Variants in RDH13 observed in about 807,000 individuals in gnomAD.
RDH13 encodes the protein retinol dehydrogenase 13 (all-trans and 9-cis).
In RDH13, 35 loss-of-function variants were observed where a neutral mutation model predicts 28.3. The ratio of observed to expected loss-of-function variants is 1.24; its 90% confidence interval spans 0.95 to 1.64. RDH13 has a LOEUF of 1.64. Among genes scored for constraint, RDH13 ranks in the 40% most tolerant of loss-of-function variants. The pLI is 0.00. For synonymous variants in RDH13, 229 were observed against 198.5 expected (o/e 1.15, Z -1.29); for missense variants, 514 against 446.3 (o/e 1.15, Z -1.37).
Position 55,063,142 on chromosome 19 carries a change from G to C in RDH13, c.-110C>G, listed in dbSNP as rs887723699. ...CGCGCGACGCAGCCACAGGCGAGCG[G>C]AGGCGCAGGCGCGGCTGGGCCCGCG... is the stretch of plus-strand genomic sequence containing the variant. On this transcript the variant is annotated 5_prime_UTR_variant, in exon 1 of 7. Transcript: ENST00000415061. The C allele has an allele frequency of 5.5e-6, 6 of 1,081,912 alleles. No individual in the cohort carries two copies. Among genetic ancestry groups the C allele is most frequent in the Non-Finnish European group, 7.2e-6 (6 of 832,426 alleles). 67.0% of individuals were successfully genotyped at this position (1,081,912 alleles called of 1,614,324 possible).
intron 5 of RDH13, chr19:55,048,022 A>C: frequency 7.0e-7 from 1 of 1,425,080 alleles, no homozygotes; most frequent in East Asian, 2.7e-5. Flanking sequence ...CTGCGGGTCA[A>C]AACTGCCCCT....
chr19:55,050,406 C>T (rs138528712), intron 3 of RDH13, among the ~76,000 whole-genome samples: 12 of 152,210 alleles, frequency 7.9e-5, no homozygotes, highest in Admixed American at 2.6e-4. Context: ...TGAGCCACCA[C>T]ACTCAGTCTA....
Position 55,048,383 on chromosome 19 carries a change from G to C in RDH13, c.604C>G (p.Gln202Glu), listed in dbSNP as rs757617386. 3 of 1,614,042 alleles carry C rather than the reference G, an allele frequency of 1.9e-6. No homozygotes were observed. The African/African-American group carries it at 4.0e-5, about 22-fold the overall frequency. Residue 202 changes from glutamine (Q) to glutamate (E), a missense_variant, in exon 5 of 7, where the codon CAG (glutamine) becomes GAG (glutamate). Transcript: ENST00000415061. ...AAGAGGACGATGGCGAGCTTGCTCTGGCAGTAGGCGGCTTTGGTGTTATAC... is the reference window on the plus strand; with the variant it reads ...AAGAGGACGATGGCGAGCTTGCTCTCGCAGTAGGCGGCTTTGGTGTTATAC... ...RKYNTKAAYC[Q>E]SKLAIVLFTK...
intron 2 of RDH13, among the ~76,000 whole-genome samples, chr19:55,058,020 C>T (rs753482807): frequency 6.6e-6 from 1 of 151,958 alleles, no homozygotes; most frequent in African/African-American, 2.4e-5. Flanking sequence ...AAGTGATCCT[C>T]CTGCCTCAGC....
At chr19:55,045,946 CAAA>C (rs11356856) in intron 6 of RDH13, among the ~76,000 whole-genome samples, 9 of 89,358 alleles carry the variant, frequency 1.0e-4, no homozygotes, top group Non-Finnish European at 1.5e-4. Context: ...GACTTCGTCT[CAAA>C]AAAAAAAAAA....
chr19:55,056,202 G>A (rs1238170431), intron 3 of RDH13, among the ~76,000 whole-genome samples: 1 of 151,248 alleles, frequency 6.6e-6, no homozygotes, highest in East Asian at 2.0e-4. Context: ...AGTGGCCCAC[G>A]CCTGTAATCC....
chr19:55,050,835 A>G (rs2075404007), intron 3 of RDH13: 1 of 151,984 alleles, frequency 6.6e-6, no homozygotes, highest in African/African-American at 2.4e-5. Flanking sequence ...TCCAGCGCGT[A>G]ACACACAGAC....
At chr19:55,053,500 TA>T (rs1011397694) in intron 3 of RDH13, among the ~76,000 whole-genome samples, 110 of 150,800 alleles carry the variant, frequency 7.3e-4, no homozygotes, top group African/African-American at 2.6e-3. Context: ...GTAAAAAATA[TA>T]AAAAATTAGC....
chr19:55,053,735 T>TAAGAGA (rs2075538594), intron 3 of RDH13: 1 of 151,774 alleles, frequency 6.6e-6, no homozygotes. Context: ...AACGTGTGGC[T>TAAGAGA]AAGAGAGGAG....
At chr19:55,047,789 T>C (rs2075288126) in intron 5 of RDH13, among the ~76,000 whole-genome samples, 1 of 152,124 alleles carries the variant, frequency 6.6e-6, no homozygotes, top group South Asian at 2.1e-4. Flanking sequence ...TCTGACCAGC[T>C]CCCAGTGGGG....
intron 6 of RDH13, 177 bp downstream of exon 6, chr19:55,047,210 G>A (rs1236711079): frequency 3.6e-6 from 5 of 1,407,110 alleles, no homozygotes; most frequent in South Asian, 3.2e-5. Context: ...GGCTGTTAGA[G>A]GCTGGCAGGC....
chr19:55,051,188 T>TCGTGAGAGAATCTACC (rs1185874193), intron 3 of RDH13, among the ~76,000 whole-genome samples: 11 of 152,068 alleles, frequency 7.2e-5, no homozygotes, highest in Admixed American at 6.6e-5. Context: ...CCACTTCCAC[T>TCGTGAGAGAATCTACC]CGTGAGAGAA....
chr19:55,043,762 C>T (rs1357624776), downstream of RDH13, among the ~76,000 whole-genome samples: 1 of 152,132 alleles, frequency 6.6e-6, no homozygotes, highest in South Asian at 2.1e-4. Flanking sequence ...CTGAGCTTTT[C>T]GGTGCCTCCT....
rs191915887 is a variant in RDH13 at position 55,060,034 on chromosome 19, A to G, written c.66-759T>C. 7.7e-3 allele frequency among the ~76,000 whole-genome samples: 1,163 copies of G among 151,720 alleles called. 24 individuals carry two copies. The highest frequency in any genetic ancestry group is 0.027 in the African/African-American group (1,102 of 40,998). ...GGACCTCTGCCCTTGAACACAGAGTATTGTCCAAGGTTTCTCCCCGTGGGA... is the reference window on the plus strand; with the variant it reads ...GGACCTCTGCCCTTGAACACAGAGTGTTGTCCAAGGTTTCTCCCCGTGGGA... On this transcript the variant is annotated intron_variant, in intron 1 of 6. Transcript: ENST00000415061.
At position 55,056,604 on chromosome 19, in the gene RDH13, G is replaced by A. The variant is rs754653581; in HGVS notation, c.340+49C>T. 3.0e-5 allele frequency: 48 copies of A among 1,593,702 alleles called. No homozygotes were observed. The South Asian group carries it at 5.4e-4, about 18-fold the overall frequency. On this transcript the variant is annotated intron_variant, in intron 3 of 6. Coordinates refer to ENST00000415061, the MANE Select transcript of RDH13 (RefSeq NM_001145971.2). ...CATTCACTTCTCAGAGCCTGGCCCT[G>A]GGAGCCGCCTATCCCAGTCCTCATC...
At chr19:55,062,849 G>A (rs2075848037) in intron 1 of RDH13, 119 bp downstream of exon 1, 6 of 900,960 alleles carry the variant, frequency 6.7e-6, no homozygotes, top group Middle Eastern at 7.5e-4. Flanking sequence ...GGCGGGCACT[G>A]CGGGTCGGGA....
At chr19:55,056,860 C>T (rs938193928) in intron 2 of RDH13, 52 bp from the exon 3 acceptor site, 1 of 1,472,590 alleles carries the variant, frequency 6.8e-7, no homozygotes, top group African/African-American at 1.4e-5. Context: ...CTCCTGGGTA[C>T]TGACCCCAGA....
chr19:55,064,585 G>A (rs1039662400), upstream of RDH13, among the ~76,000 whole-genome samples: 1 of 151,818 alleles, frequency 6.6e-6, no homozygotes, highest in African/African-American at 2.4e-5. Context: ...AGATTGGGAA[G>A]TCACAGGATT....
chr19:55,045,549 A>T (rs1305347756), intron 6 of RDH13, among the ~76,000 whole-genome samples: 5 of 152,170 alleles, frequency 3.3e-5, no homozygotes, highest in African/African-American at 1.2e-4. Context: ...TTGTCCAGGA[A>T]AATGGAAGCT....
Sources: allele counts gnomAD v4.1 joint callset (sites outside exome capture counted in the v4.1 genomes callset), GRCh38; gene constraint gnomAD v4.1.1; transcripts MANE v1.5; gene names NCBI Gene and HGNC (gene_info 2026-07-23, HGNC 2026-07-21).